Variants in GINS2 observed in about 807,000 individuals in gnomAD.
GINS2 encodes DNA replication complex GINS protein PSF2.
GINS2 carries 23 observed loss-of-function variants against 21.2 expected under a neutral mutation model. The observed-to-expected ratio is 1.08, with a 90% confidence interval of 0.78 to 1.53. The LOEUF (loss-of-function observed/expected upper bound fraction) is 1.53. GINS2 is among the 40% of genes most tolerant of loss of function. The pLI, the probability that GINS2 is intolerant of heterozygous loss-of-function variation, is 0.00. For missense variants in GINS2, 323 were observed against 233.9 expected, an observed-to-expected ratio of 1.38 and a Z score of -2.49; for synonymous variants, 118 against 85.6, an observed-to-expected ratio of 1.38 and a Z score of -2.09.
intron 2 of GINS2, among the ~76,000 whole-genome samples, chr16:85,682,528 C>A (rs2053742645): frequency 6.7e-6 from 1 of 149,738 alleles, no homozygotes; most frequent in African/African-American, 2.5e-5. Context: ...ATACAATATC[C>A]TAGGGGGGTT....
chr16:85,686,364 G>C (rs1185261191), intron 2 of GINS2, among the ~76,000 whole-genome samples: 9 of 151,376 alleles, frequency 5.9e-5, no homozygotes, highest in African/African-American at 2.2e-4. Flanking sequence ...CTTGCAGTGA[G>C]CCGAGATCGC....
At position 85,681,494 on chromosome 16, in the gene GINS2, G is replaced by C. The variant is rs151050055; in HGVS notation, c.305+88C>G. The C allele has an allele frequency of 1.6e-4, 124 of 777,964 alleles. No individual in the cohort carries two copies. In the Middle Eastern group the frequency reaches 2.0e-3, roughly 13 times the overall value. The allele number at this position is 777,964 out of a possible 1,614,324, so 48.2% of individuals were successfully genotyped here. Reference sequence around the variant, plus strand: ...TTGCCACTTACTGAGGCAATAAGCAGGGAAGCGGAGAGGAAGGACGAGGGT... The same window carrying C: ...TTGCCACTTACTGAGGCAATAAGCACGGAAGCGGAGAGGAAGGACGAGGGT... On this transcript the variant is annotated intron_variant, in intron 3 of 4. Coordinates refer to ENST00000253462, the MANE Select transcript of GINS2 (RefSeq NM_016095.3).
At chr16:85,680,954 G>C (rs2053727274) in intron 3 of GINS2, among the ~76,000 whole-genome samples, 1 of 152,248 alleles carries the variant, frequency 6.6e-6, no homozygotes, top group African/African-American at 2.4e-5. Flanking sequence ...TAAGCAGGGA[G>C]TCACATGGCA....
intron 3 of GINS2, 24 bp from the exon 4 acceptor site, chr16:85,678,690 A>C: frequency 1.2e-6 from 2 of 1,609,426 alleles, no homozygotes; most frequent in Non-Finnish European, 1.7e-6. Context: ...GGCTAAAGTC[A>C]GTCGGGGAAC....
At position 85,685,685 on chromosome 16, in the gene GINS2, A is replaced by AAAAAAAAAC. The variant is rs56405044; in HGVS notation, c.205+1774_205+1775insGTTTTTTTT. On this transcript the variant is annotated intron_variant, in intron 2 of 4. Transcript: ENST00000253462. ...GACCCTTTCTCAAAAAAAAAAAAAA[A>AAAAAAAAAC]AAAAAACCGTCTCAAAGCAGAGGAA... Among the ~76,000 whole-genome samples the AAAAAAAAAC allele has an allele frequency of 3.1e-4, 37 of 121,002 alleles. 1 individual carries two copies. The highest frequency in any genetic ancestry group is 4.3e-4 in the Admixed American group (5 of 11,566). 79.4% of individuals were successfully genotyped at this position (121,002 alleles called of 152,430 possible).
intron 1 of GINS2, among the ~76,000 whole-genome samples, chr16:85,688,238 G>A (rs1378066656): frequency 1.3e-5 from 2 of 152,152 alleles, no homozygotes; most frequent in Non-Finnish European, 2.9e-5. Context: ...AGGAGTTCGA[G>A]GCCAGCCGCA....
chr16:85,688,749 G>A (rs2303204), intron 1 of GINS2, 60 bp downstream of exon 1: 3 of 1,067,982 alleles, frequency 2.8e-6, no homozygotes, highest in Admixed American at 2.8e-5. Flanking sequence ...TGAAGGCCAC[G>A]CGGGAGCCCC....
At position 85,681,691 on chromosome 16, in the gene GINS2, A is replaced by G. The variant is rs761291962; in HGVS notation, c.206-10T>C. On this transcript the variant is annotated splice_polypyrimidine_tract_variant and intron_variant, in intron 2 of 4. Transcript: ENST00000253462. ...ATCTTCTCCAACTTTTCTGAAATTT[A>G]GAAGTTAATACATTTTACCATCATT... 6.6e-6 allele frequency: 10 copies of G among 1,513,496 alleles called. No homozygotes were observed. Among genetic ancestry groups the G allele is most frequent in the Non-Finnish European group, 7.3e-6 (8 of 1,089,886 alleles). The allele number at this position is 1,513,496 out of a possible 1,614,324, so 93.8% of individuals were successfully genotyped here.
chr16:85,678,023 T>C lies in GINS2; in HGVS notation c.*189A>G. The stretch of plus-strand genomic sequence containing the variant: ...TAGAAACAGATGTGGAATTGAAGAA[T>C]GTCCCAGGGAGCTAAGTTTTAAGGA... On this transcript the variant is annotated 3_prime_UTR_variant, in exon 5 of 5. Transcript: ENST00000253462. The C allele has an allele frequency of 1.9e-6, 1 of 524,962 alleles. No individual in the cohort carries two copies. 32.5% of individuals were successfully genotyped at this position (524,962 alleles called of 1,614,324 possible).
intron 3 of GINS2, among the ~76,000 whole-genome samples, chr16:85,681,362 G>A (rs148498263): frequency 6.6e-6 from 1 of 152,320 alleles, no homozygotes; most frequent in Non-Finnish European, 1.5e-5. Context: ...ACAGAGAAAG[G>A]CAAAGAACAG....
At chr16:85,687,038 A>C (rs1389681644) in intron 2 of GINS2, among the ~76,000 whole-genome samples, 1 of 152,248 alleles carries the variant, frequency 6.6e-6, no homozygotes. Context: ...CCTGGGCAGC[A>C]TGGCAAGACC....
chr16:85,678,017 G>C lies in GINS2; in HGVS notation c.*195C>G. On this transcript the variant is annotated 3_prime_UTR_variant, in exon 5 of 5. Transcript: ENST00000253462. ...GGTTTCTAGAAACAGATGTGGAATT[G>C]AAGAATGTCCCAGGGAGCTAAGTTT... The C allele has an allele frequency of 1.9e-6, 1 of 515,442 alleles. No homozygotes were observed. The highest frequency in any genetic ancestry group is 3.4e-6 in the Non-Finnish European group (1 of 291,988). The allele number at this position is 515,442 out of a possible 1,614,324, so 31.9% of individuals were successfully genotyped here.
intron 2 of GINS2, among the ~76,000 whole-genome samples, chr16:85,685,670 C>CAAAAAAAAAAAAAAAAAAAA (rs752631926): frequency 1.1e-3 from 59 of 55,284 alleles, no homozygotes; most frequent in African/African-American, 3.3e-3. Context: ...GACCCTTTCT[C>CAAAAAAAAAAAAAAAAAAAA]AAAAAAAAAA....
rs2053692408 is a variant in GINS2, at chr16:85,677,728, G to C, written c.*484C>G. 6.4e-6 allele frequency: 1 copy of C among 156,918 alleles called. No homozygotes were observed. The highest frequency in any genetic ancestry group is 1.4e-5 in the Non-Finnish European group (1 of 70,962). The allele number at this position is 156,918 out of a possible 1,614,324, so 9.7% of individuals were successfully genotyped here. A position where few individuals can be genotyped will look rare whatever the true frequency, so the allele number is the denominator to read the frequency against. Reference sequence around the variant, plus strand: ...GGGCTTAGAGGATAAGCACCGGTCAGCATTGTTGGCTGCACCATCTGCCAT... The same window carrying C: ...GGGCTTAGAGGATAAGCACCGGTCACCATTGTTGGCTGCACCATCTGCCAT... On this transcript the variant is annotated 3_prime_UTR_variant, in exon 5 of 5. Coordinates refer to ENST00000253462, the MANE Select transcript of GINS2 (RefSeq NM_016095.3).
At chr16:85,679,815 C>G (rs896000791) in intron 3 of GINS2, among the ~76,000 whole-genome samples, 8 of 152,210 alleles carry the variant, frequency 5.3e-5, no homozygotes, top group African/African-American at 1.9e-4. Flanking sequence ...ACTACAGTCT[C>G]TCTCAGGTCC....
Position 85,676,595 on chromosome 16 carries a change from A to T in GINS2, c.*1617T>A, listed in dbSNP as rs1375007263. 1 of 152,278 alleles carries T rather than the reference A, an allele frequency of 6.6e-6. No individual in the cohort carries two copies. Among genetic ancestry groups the T allele is most frequent in the African/African-American group, 2.4e-5 (1 of 41,468 alleles). The allele number at this position is 152,278 out of a possible 1,614,324, so 9.4% of individuals were successfully genotyped here. Reference sequence around the variant, plus strand: ...TGCAGCATGCTAGACACTGGAGGGCAGATGCTGGGTGATAAGTCTTTAGGC... The same window carrying T: ...TGCAGCATGCTAGACACTGGAGGGCTGATGCTGGGTGATAAGTCTTTAGGC... On this transcript the variant is annotated 3_prime_UTR_variant, in exon 5 of 5. Coordinates refer to ENST00000253462, the MANE Select transcript of GINS2 (RefSeq NM_016095.3).
rs557174208 is a variant in GINS2, at chr16:85,677,418, G to GCATTGTCACTCATGCTCAATA, written c.*773_*793dup. ...AGCACTGAAAGTGACTTTTCTTCTA[G>GCATTGTCACTCATGCTCAATA]CATTGTCACTCATGCTCAATACATT... On this transcript the variant is annotated 3_prime_UTR_variant, in exon 5 of 5. Transcript: ENST00000253462. 1 of 152,180 alleles carries GCATTGTCACTCATGCTCAATA rather than the reference G, an allele frequency of 6.6e-6. No homozygotes were observed. The highest frequency in any genetic ancestry group is 1.5e-5 in the Non-Finnish European group (1 of 68,046). 9.4% of individuals were successfully genotyped at this position (152,180 alleles called of 1,614,324 possible). A position where few individuals can be genotyped will look rare whatever the true frequency, so the allele number is the denominator to read the frequency against.
chr16:85,679,658 T>G (rs1055968328), intron 3 of GINS2, among the ~76,000 whole-genome samples: 4 of 152,232 alleles, frequency 2.6e-5, no homozygotes, highest in African/African-American at 9.6e-5. Flanking sequence ...GAATGAATTA[T>G]AAAACAAGGT....
chr16:85,686,066 A>C (rs2053774708), intron 2 of GINS2, among the ~76,000 whole-genome samples: 1 of 152,204 alleles, frequency 6.6e-6, no homozygotes. Flanking sequence ...AAAGATTTCA[A>C]AGGCTCAGAA....
Sources: gnomAD v4.1 joint callset for allele counts (sites outside exome capture counted in the v4.1 genomes callset) on GRCh38, gnomAD v4.1.1 for gene constraint, MANE v1.5 for transcripts, NCBI Gene and HGNC (gene_info 2026-07-23, HGNC 2026-07-21) for gene names.